PHF20: variants seen among roughly 807,000 people sequenced by gnomAD.
PHF20 encodes the protein glioma-expressed antigen 2.
Under a neutral mutation model 113.5 loss-of-function variants are expected in PHF20, and 23 were observed. The observed-to-expected ratio is 0.20, with a 90% CI of 0.15 to 0.29. The LOEUF is 0.29. Among genes scored for constraint, PHF20 ranks in the 10% least tolerant of loss-of-function variants. PHF20 has a pLI of 1.00. For synonymous variants in PHF20, 434 were observed against 457.3 expected (o/e 0.95, Z 0.65); for missense variants, 943 against 1,219.6 (o/e 0.77, Z 3.38).
intron 2 of PHF20, among the ~76,000 whole-genome samples, chr20:35,807,407 C>T (rs543987306): frequency 7.1e-6 from 1 of 141,512 alleles, no homozygotes; most frequent in South Asian, 2.2e-4. Context: ...GGCTAAAGTG[C>T]AGTAGAGCGA....
At chr20:35,936,021 A>G (rs2055857330) in intron 15 of PHF20, among the ~76,000 whole-genome samples, 2 of 152,220 alleles carry the variant, frequency 1.3e-5, no homozygotes, top group Non-Finnish European at 2.9e-5. Context: ...TTCATGACTG[A>G]CAGGGCTTAC....
chr20:35,940,790 G>A (rs1296137761), intron 16 of PHF20, 74 bp from the exon 17 acceptor site: 17 of 1,263,616 alleles, frequency 1.3e-5, no homozygotes, highest in East Asian at 2.3e-5. Flanking sequence ...TCAGGTGGCT[G>A]GAAATGCTGG....
chr20:35,834,543 G>A (rs1232098079), intron 2 of PHF20, among the ~76,000 whole-genome samples: 6 of 152,104 alleles, frequency 3.9e-5, no homozygotes, highest in African/African-American at 9.6e-5. Context: ...GAGCCACTGC[G>A]CCCAGCCAGC....
intron 4 of PHF20, chr20:35,856,241 T>C (rs2146960314): frequency 6.6e-6 from 1 of 152,328 alleles, no homozygotes; most frequent in Middle Eastern, 3.4e-3. Flanking sequence ...AGTTTCGTCA[T>C]GTATTGGTGA....
At chr20:35,805,295 G>T in intron 2 of PHF20, among the ~76,000 whole-genome samples, 1 of 151,324 alleles carries the variant, frequency 6.6e-6, no homozygotes, top group East Asian at 1.9e-4. Flanking sequence ...ACCTCCCTTG[G>T]CTTAAGCAGT....
chr20:35,866,071 G>A (rs376265063), intron 6 of PHF20, among the ~76,000 whole-genome samples: 14 of 152,130 alleles, frequency 9.2e-5, no homozygotes, highest in African/African-American at 2.2e-4. Context: ...TTAGATGAGC[G>A]TGGTGGCATG....
intron 2 of PHF20, among the ~76,000 whole-genome samples, chr20:35,809,871 G>A (rs2041947099): frequency 6.6e-6 from 1 of 152,184 alleles, no homozygotes; most frequent in Non-Finnish European, 1.5e-5. Flanking sequence ...AAATGCCTAG[G>A]CAGATAGGGA....
chr20:35,834,783 A>G (rs1568628540), intron 2 of PHF20, among the ~76,000 whole-genome samples: 1 of 152,214 alleles, frequency 6.6e-6, no homozygotes, highest in Non-Finnish European at 1.5e-5. Flanking sequence ...TTCATAGGGC[A>G]TAGTTCCTGC....
intron 3 of PHF20, among the ~76,000 whole-genome samples, chr20:35,845,801 G>A (rs2042613952): frequency 6.8e-6 from 1 of 148,012 alleles, no homozygotes; most frequent in Non-Finnish European, 1.5e-5. Context: ...TTTTTTTGAG[G>A]CAGTCTTACT....
At chr20:35,898,960 G>C (rs2055042509) in intron 9 of PHF20, among the ~76,000 whole-genome samples, 1 of 152,072 alleles carries the variant, frequency 6.6e-6, no homozygotes, top group African/African-American at 2.4e-5. Context: ...TGTTGGTCAG[G>C]CTGGTCATGA....
chr20:35,850,841 G>T, intron 4 of PHF20: 1 of 1,159,076 alleles, frequency 8.6e-7, no homozygotes, highest in Non-Finnish European at 1.2e-6. Context: ...GTTTCTGGTG[G>T]CTCTGCCTTG....
intron 9 of PHF20, among the ~76,000 whole-genome samples, chr20:35,877,635 T>A (rs1298307982): frequency 6.6e-6 from 1 of 150,918 alleles, no homozygotes; most frequent in African/African-American, 2.4e-5. Flanking sequence ...TGTAGTACAG[T>A]GGTATGATCT....
chr20:35,818,029 A>T (rs762420345), intron 2 of PHF20, among the ~76,000 whole-genome samples: 30 of 152,014 alleles, frequency 2.0e-4, no homozygotes, highest in Non-Finnish European at 3.5e-4. Flanking sequence ...CACACCTGTA[A>T]TCCCAGCACT....
intron 15 of PHF20, among the ~76,000 whole-genome samples, chr20:35,935,441 A>G (rs986296438): frequency 5.9e-5 from 9 of 152,202 alleles, no homozygotes; most frequent in Non-Finnish European, 1.2e-4. Context: ...ATCGCGGCTC[A>G]CTACAACTTC....
At chr20:35,804,358 C>T (rs112613985) in intron 2 of PHF20, among the ~76,000 whole-genome samples, 11,132 of 151,654 alleles carry the variant, frequency 0.073, 1,375 homozygotes, top group African/African-American at 0.26. Flanking sequence ...CTCAGCCTCC[C>T]GAGCAGCTGG....
chr20:35,915,417 C>T (rs375400507), intron 12 of PHF20, among the ~76,000 whole-genome samples: 12 of 151,910 alleles, frequency 7.9e-5, no homozygotes, highest in East Asian at 7.7e-4. Flanking sequence ...GACAGAGTCT[C>T]ACTCTGTTGC....
intron 2 of PHF20, among the ~76,000 whole-genome samples, chr20:35,842,330 A>T (rs1017750978): frequency 6.6e-6 from 1 of 152,094 alleles, no homozygotes; most frequent in South Asian, 2.1e-4. Context: ...ACAGAGCGAG[A>T]CTCTGTCTCA....
intron 9 of PHF20, among the ~76,000 whole-genome samples, chr20:35,879,826 C>T (rs2054595128): frequency 6.6e-6 from 1 of 150,842 alleles, no homozygotes; most frequent in Non-Finnish European, 1.5e-5. Flanking sequence ...AGAATAAAAC[C>T]CCAAAAAACC....
chr20:35,821,365 G>T (rs1600782649), intron 2 of PHF20, among the ~76,000 whole-genome samples: 1 of 151,732 alleles, frequency 6.6e-6, no homozygotes, highest in African/African-American at 2.4e-5. Flanking sequence ...AACCCGGGAG[G>T]TGGAGGATGC....
Sources: allele counts gnomAD v4.1 joint callset (sites outside exome capture counted in the v4.1 genomes callset), GRCh38; gene constraint gnomAD v4.1.1; transcripts MANE v1.5; gene names NCBI Gene and HGNC (gene_info 2026-07-23, HGNC 2026-07-21).